The following ARSG variants were observed in gnomAD, a reference collection of about 807,000 sequenced individuals.
ARSG encodes ASG.
A neutral mutation model predicts 50.5 loss-of-function variants in ARSG; 37 were observed. The observed-to-expected ratio is 0.73, with a 90% CI of 0.56 to 0.96. The LOEUF is 0.96. Among genes scored for constraint, ARSG ranks in the 50% least tolerant of loss-of-function variants. The pLI is 0.00. For synonymous variants in ARSG, 225 were observed against 254.6 expected, an observed-to-expected ratio of 0.88 and a Z score of 1.11; for missense variants, 629 against 675.3, an observed-to-expected ratio of 0.93 and a Z score of 0.76.
rs1009331370 is a variant in ARSG, at chr17:68,381,730, C to G, written c.983-3334C>G. Among the ~76,000 whole-genome samples, 2 of 152,180 alleles carry G rather than the reference C, an allele frequency of 1.3e-5. No homozygotes were observed. Among genetic ancestry groups the G allele is most frequent in the African/African-American group, 4.8e-5 (2 of 41,422 alleles). On this transcript the variant is annotated intron_variant, in intron 8 of 11. Transcript: ENST00000621439. This position sits in a 1 kb window ranked among gnomAD's most constrained non-coding sequence, Gnocchi z 4.1. ...CTTCCCTGGGAATGAGTGCTCTCCCCACTAAATCCCCAGGAGGGTTTTAGA... is the reference window on the plus strand; with the variant it reads ...CTTCCCTGGGAATGAGTGCTCTCCCGACTAAATCCCCAGGAGGGTTTTAGA...
At chr17:68,329,738 C>T (rs2077647973) in intron 2 of ARSG, among the ~76,000 whole-genome samples, 1 of 152,146 alleles carries the variant, frequency 6.6e-6, no homozygotes, top group South Asian at 2.1e-4. Flanking sequence ...TTTTGGCTTC[C>T]CTGGGCCATG....
the ARSG span, chr17:68,440,687 T>C: frequency 1.3e-5 from 2 of 152,230 alleles, no homozygotes; most frequent in African/African-American, 4.8e-5. Context: ...TGTTTGGCTG[T>C]AATTCTTCTA....
intron 8 of ARSG, chr17:68,379,701 T>C (rs888250917): frequency 4.3e-6 from 2 of 466,834 alleles, no homozygotes; most frequent in African/African-American, 4.2e-5. Context: ...ATGTTTGTTT[T>C]TGTCAGTTAT....
At chr17:68,434,913 A>C in the ARSG span, among the ~76,000 whole-genome samples, 1 of 152,052 alleles carries the variant, frequency 6.6e-6, no homozygotes, top group Non-Finnish European at 1.5e-5. Context: ...TTAGAATTTC[A>C]ATTTGAGGCC....
intron 6 of ARSG, among the ~76,000 whole-genome samples, 163 bp downstream of exon 6, chr17:68,356,967 C>G (rs980113134): frequency 6.6e-6 from 1 of 152,218 alleles, no homozygotes; most frequent in Non-Finnish European, 1.5e-5. Flanking sequence ...TGGAAAACAG[C>G]CCCTTCTGGA....
At chr17:68,421,922 G>A, downstream of ARSG, 1 of 1,477,214 alleles carries the variant, frequency 6.8e-7, no homozygotes, top group South Asian at 1.1e-5. Context: ...AGCAGGGAGA[G>A]GCTGGGCACT....
At chr17:68,374,920 A>G (rs2080072368) in intron 8 of ARSG, among the ~76,000 whole-genome samples, 1 of 151,904 alleles carries the variant, frequency 6.6e-6, no homozygotes, top group Non-Finnish European at 1.5e-5. Flanking sequence ...GGCAACCACC[A>G]TCTCTCCTTT....
downstream of ARSG, chr17:68,426,254 G>GC (rs2083186269): frequency 2.4e-6 from 2 of 816,924 alleles, no homozygotes; most frequent in South Asian, 1.3e-5. Flanking sequence ...GGGAGCGGGG[G>GC]CTCAAATAAA....
chr17:68,380,252 CT>C (rs1388387441), intron 8 of ARSG, among the ~76,000 whole-genome samples: 16 of 144,964 alleles, frequency 1.1e-4, no homozygotes, highest in South Asian at 4.4e-4. Flanking sequence ...TTTCTTTACT[CT>C]TTTTTTTTTG....
At chr17:68,391,255 C>CAG (rs923667583) in intron 9 of ARSG, among the ~76,000 whole-genome samples, 52 of 152,084 alleles carry the variant, frequency 3.4e-4, no homozygotes, top group Admixed American at 1.7e-3. Context: ...CTCCCTCTTC[C>CAG]AGGGCTAAGC....
At chr17:68,268,426 TTATATATA>T (rs10539245) in intron 1 of ARSG, 1 of 149,802 alleles carries the variant, frequency 6.7e-6, no homozygotes, top group African/African-American at 2.5e-5. Flanking sequence ...GAAGTTCAAG[TTATATATA>T]TATATATATA....
At chr17:68,288,855 C>G (rs1056152531), upstream of ARSG, among the ~76,000 whole-genome samples, 31 of 152,196 alleles carry the variant, frequency 2.0e-4, no homozygotes, top group African/African-American at 7.0e-4. Context: ...TCTAGAACTT[C>G]TATCATCTGT....
Position 68,368,560 on chromosome 17 carries a change from G to T in ARSG, c.717G>T (p.Arg239Ser), listed in dbSNP as rs200147106. The change falls in exon 7 of 12, where the codon AGG becomes AGT. Residue 239 changes from arginine (R) to serine (S), a missense_variant. Transcript: ENST00000621439. ...QFIQRASTSG[R>S]PFLLYVALAH... The stretch of plus-strand genomic sequence containing the variant: ...TCTCCTGTTTCAGCACCAGCGGGAG[G>T]CCCTTCCTGCTCTATGTGGCTCTGG... 1.9e-6 allele frequency: 3 copies of T among 1,613,756 alleles called. No individual in the cohort carries two copies. The highest frequency in any genetic ancestry group is 1.7e-6 in the Non-Finnish European group (2 of 1,179,964).
the ARSG span, among the ~76,000 whole-genome samples, chr17:68,446,655 C>T: frequency 6.6e-6 from 1 of 152,194 alleles, no homozygotes; most frequent in African/African-American, 2.4e-5. Context: ...GTTAGAACTA[C>T]GTGGTTCTAT....
At chr17:68,314,047 G>A (rs781822777) in intron 2 of ARSG, among the ~76,000 whole-genome samples, 24 of 152,154 alleles carry the variant, frequency 1.6e-4, no homozygotes, top group African/African-American at 2.6e-4. Context: ...AGTATCTGTC[G>A]CATTAAAGAC....
chr17:68,422,570 A>G (rs2082868397), downstream of ARSG: 1 of 151,866 alleles, frequency 6.6e-6, no homozygotes, highest in Non-Finnish European at 1.5e-5. Context: ...GTCTCTACTA[A>G]AAATACAAAA....
At chr17:68,292,028 G>T (rs1405398122) in intron 1 of ARSG, among the ~76,000 whole-genome samples, 1 of 151,990 alleles carries the variant, frequency 6.6e-6, no homozygotes, top group Non-Finnish European at 1.5e-5. Flanking sequence ...CCCCAGTTTC[G>T]TCAACTCGCG....
At chr17:68,295,647 G>A (rs1302021792) in intron 1 of ARSG, among the ~76,000 whole-genome samples, 4 of 150,154 alleles carry the variant, frequency 2.7e-5, no homozygotes, top group Non-Finnish European at 4.4e-5. Flanking sequence ...TGGGCAACAC[G>A]GCAAGACACC....
At chr17:68,344,671 C>A (rs1396221008) in intron 3 of ARSG, among the ~76,000 whole-genome samples, 3 of 152,230 alleles carry the variant, frequency 2.0e-5, no homozygotes, top group Non-Finnish European at 4.4e-5. Context: ...GCCCTTCTCC[C>A]CTCCAGGAGC....
Sources: gnomAD v4.1 joint callset for allele counts (sites outside exome capture counted in the v4.1 genomes callset) on GRCh38, gnomAD v4.1.1 for gene constraint, Gnocchi (gnomAD v3.1) non-coding constraint, MANE v1.5 for transcripts, NCBI Gene and HGNC (gene_info 2026-07-23, HGNC 2026-07-21) for gene names.